CRMP1: variants seen among roughly 807,000 people sequenced by gnomAD.
The protein encoded by CRMP1 is dihydropyrimidinase-related protein 1.
In CRMP1, 19 loss-of-function variants were observed where a neutral mutation model predicts 68.3. The observed-to-expected ratio is 0.28, with a 90% CI of 0.19 to 0.41. The LOEUF (loss-of-function observed/expected upper bound fraction) is 0.41, where lower values mean the gene tolerates loss of function less well. Ranked by LOEUF, CRMP1 falls within the 10% of genes least tolerant of loss-of-function variation. The pLI is 1.00. For synonymous variants in CRMP1, 439 were observed against 399.6 expected (o/e 1.10, Z -1.18); for missense variants, 791 against 967.4 (o/e 0.82, Z 2.42).
chr4:5,856,292 G>A lies in CRMP1; in HGVS notation c.671C>T (p.Pro224Leu). Residue 224 changes from proline to leucine, a missense_variant, in exon 4 of 14, where the codon CCT becomes CTT. By Grantham distance (98) the Pro-to-Leu change is moderately conservative. Coordinates refer to ENST00000324989, the MANE Select transcript of CRMP1 (RefSeq NM_001014809.3). ...GGTCAGTAGGCTGGACCCAGGTTCA[G>A]GAACAACATGGTCAACTGGGACAGA... The part of the protein sequence containing the change: ...GTTMIIDHVV[P>L]EPGSSLLTSF... 6.2e-7 allele frequency: 1 copy of A among 1,613,506 alleles called. No individual in the cohort carries two copies. The highest frequency in any genetic ancestry group is 8.5e-7 in the Non-Finnish European group (1 of 1,179,714).
At chr4:5,830,650 G>C (rs1409868666) in intron 11 of CRMP1, among the ~76,000 whole-genome samples, 1 of 152,168 alleles carries the variant, frequency 6.6e-6, no homozygotes, top group Non-Finnish European at 1.5e-5. Flanking sequence ...TATGCAGTCA[G>C]TCTATTCCTT....
rs543129232 is a variant in CRMP1, at chr4:5,892,665, C to T, written c.305G>A (p.Arg102His). The T allele has an allele frequency of 4.4e-5, 52 of 1,194,776 alleles. No individual in the cohort carries two copies. The highest frequency in any genetic ancestry group is 5.2e-5 in the Non-Finnish European group (50 of 964,080). 74.0% of individuals were successfully genotyped at this position (1,194,776 alleles called of 1,614,324 possible). A position where few individuals can be genotyped will look rare whatever the true frequency, so the allele number is the denominator to read the frequency against. The change falls in exon 1 of 14, where the codon CGC (arginine) becomes CAC (histidine). Residue 102 changes from arginine (R) to histidine (H), a missense_variant. Arg to His is a conservative substitution (Grantham distance 29). Around this residue, in one of 3 missense-constraint regions of CRMP1, gnomAD observed 193 missense variants for 186.3 expected, o/e 1.04. Coordinates refer to ENST00000324989, the MANE Select transcript of CRMP1 (RefSeq NM_001014809.3). This position sits in a 1 kb window ranked among gnomAD's most constrained non-coding sequence, Gnocchi z 8.6. ...SGSAVSSPGERDERPPTLRIR... is the reference protein window; with the variant it reads ...SGSAVSSPGEHDERPPTLRIR... ...GCGCAGCGTCGGCGGCCGCTCGTCGCGCTCTCCGGGAGAGCTGACCGCGGA... is the reference window on the plus strand; with the variant it reads ...GCGCAGCGTCGGCGGCCGCTCGTCGTGCTCTCCGGGAGAGCTGACCGCGGA...
At chr4:5,836,541 T>G (rs1720739946) in intron 10 of CRMP1, among the ~76,000 whole-genome samples, 1 of 152,194 alleles carries the variant, frequency 6.6e-6, no homozygotes, top group African/African-American at 2.4e-5. Context: ...TTTTCAATCT[T>G]AAGATGTAAA....
intron 3 of CRMP1, among the ~76,000 whole-genome samples, chr4:5,857,092 A>ACC (rs941533411): frequency 9.1e-5 from 11 of 121,486 alleles, no homozygotes; most frequent in African/African-American, 3.4e-4. Context: ...CACCATTATC[A>ACC]CTAACATCAC....
intron 8 of CRMP1, among the ~76,000 whole-genome samples, chr4:5,840,645 C>T (rs1346232519): frequency 6.6e-6 from 1 of 152,214 alleles, no homozygotes; most frequent in African/African-American, 2.4e-5. Context: ...CTTAACATTA[C>T]TTAATTTAAA....
At position 5,888,509 on chromosome 4, in the gene CRMP1, G is replaced by C. The variant is rs1182300802; in HGVS notation, c.381+4080C>G. On this transcript the variant is annotated intron_variant, in intron 1 of 13. Coordinates refer to ENST00000324989, the MANE Select transcript of CRMP1 (RefSeq NM_001014809.3). The surrounding 1 kb of genome is among the most constrained non-coding windows in gnomAD (Gnocchi z 6.4). Reference sequence around the variant, plus strand: ...AGGAGGGCGGGAGAAGGAGGAGGGAGAGGCGAGGGCGGGAGGAGGGGGCTG... The same window carrying C: ...AGGAGGGCGGGAGAAGGAGGAGGGACAGGCGAGGGCGGGAGGAGGGGGCTG... The C allele has an allele frequency of 5.9e-6, 7 of 1,195,836 alleles. No homozygotes were observed. Among genetic ancestry groups the C allele is most frequent in the Admixed American group, 8.9e-5 (2 of 22,394 alleles). The allele number at this position is 1,195,836 out of a possible 1,614,324, so 74.1% of individuals were successfully genotyped here.
At position 5,849,415 on chromosome 4, in the gene CRMP1, C is replaced by T; in HGVS notation, c.940G>A (p.Glu314Lys). The change falls in exon 6 of 14, where the codon GAA becomes AAA. Residue 314 changes from glutamate (E) to lysine (K), a missense_variant. Physicochemically the swap from Glu to Lys is moderately conservative, Grantham distance 56 (BLOSUM62 1). This residue lies in a region of CRMP1 where 594 missense variants were observed against 763.6 expected (regional missense o/e 0.78). Coordinates refer to ENST00000324989, the MANE Select transcript of CRMP1 (RefSeq NM_001014809.3). ...ACCTGAGCTATCAAATCTCCATTTT[C>T]TGCATGGACCAAGATCACAGCTCCC... ...GLGAVILVHAENGDLIAQEQK... is the reference protein window; with the variant it reads ...GLGAVILVHAKNGDLIAQEQK... 1 of 1,613,832 alleles carries T rather than the reference C, an allele frequency of 6.2e-7. No individual in the cohort carries two copies. Among genetic ancestry groups the T allele is most frequent in the Non-Finnish European group, 8.5e-7 (1 of 1,179,916 alleles).
At chr4:5,874,583 A>G (rs926917810) in intron 1 of CRMP1, among the ~76,000 whole-genome samples, 21 of 152,228 alleles carry the variant, frequency 1.4e-4, no homozygotes, top group East Asian at 5.8e-4. Flanking sequence ...ACCCTTACAC[A>G]GTATTTAGCA....
Position 5,870,591 on chromosome 4 carries a change from C to G in CRMP1, c.382-3835G>C, listed in dbSNP as rs1286566112. On this transcript the variant is annotated intron_variant, in intron 1 of 13. Coordinates refer to ENST00000324989, the MANE Select transcript of CRMP1 (RefSeq NM_001014809.3). The surrounding 1 kb of genome is among the most constrained non-coding windows in gnomAD (Gnocchi z 6.0). Reference sequence around the variant, plus strand: ...GGCTGCCTGGGTGACTGAACTGATTCTTGACAGATGAATGGGTGAAGATGG... The same window carrying G: ...GGCTGCCTGGGTGACTGAACTGATTGTTGACAGATGAATGGGTGAAGATGG... Among the ~76,000 whole-genome samples, 3 of 152,200 alleles carry G rather than the reference C, an allele frequency of 2.0e-5. No homozygotes were observed. The highest frequency in any genetic ancestry group is 2.9e-5 in the Non-Finnish European group (2 of 68,040).
At chr4:5,829,414 A>C (rs1444061109) in intron 11 of CRMP1, among the ~76,000 whole-genome samples, 1 of 151,806 alleles carries the variant, frequency 6.6e-6, no homozygotes, top group Non-Finnish European at 1.5e-5. Flanking sequence ...CAAAAAACTC[A>C]CCTTCTTTCC....
In CRMP1 at chr4:5,821,635, A is replaced by G; in HGVS notation, c.*125T>C. 1.1e-6 allele frequency: 1 copy of G among 869,718 alleles called. No homozygotes were observed. The highest frequency in any genetic ancestry group is 1.8e-6 in the Non-Finnish European group (1 of 566,168). 53.9% of individuals were successfully genotyped at this position (869,718 alleles called of 1,614,324 possible). A position where few individuals can be genotyped will look rare whatever the true frequency, so the allele number is the denominator to read the frequency against. On this transcript the variant is annotated 3_prime_UTR_variant, in exon 14 of 14. Transcript: ENST00000324989. The surrounding 1 kb of genome is among the most constrained non-coding windows in gnomAD (Gnocchi z 4.4). ...TTCCTAAACAGAAAAGGGAAAGAGC[A>G]TCCTTCGACTTCCCCCTCCCTCCAT...
intron 10 of CRMP1, 59 bp from the exon 11 acceptor site, chr4:5,836,144 A>G (rs3815264): frequency 0.35 from 475,653 of 1,349,100 alleles, 90,353 homozygotes; most frequent in African/African-American, 0.7. Context: ...GAGGAGGGGC[A>G]GCTGGGCACA....
chr4:5,856,392 C>T (rs368003858), intron 3 of CRMP1, 85 bp from the exon 4 acceptor site: 2 of 1,007,550 alleles, frequency 2.0e-6, no homozygotes, highest in Non-Finnish European at 2.9e-6. Flanking sequence ...ACCATCATCA[C>T]CATCATTACC....
rs1240419217 is a variant in CRMP1 at position 5,860,015 on chromosome 4, C to T, written c.655+1011G>A. ...CAAAAGCGGCTCTTCAAAATCAACA[C>T]AAGAAACAGCCATCGGGCTGCACAG... On this transcript the variant is annotated intron_variant, in intron 3 of 13. Coordinates refer to ENST00000324989, the MANE Select transcript of CRMP1 (RefSeq NM_001014809.3). The surrounding 1 kb of genome is among the most constrained non-coding windows in gnomAD (Gnocchi z 4.2). Among the ~76,000 whole-genome samples the T allele has an allele frequency of 1.3e-5, 2 of 152,074 alleles. No homozygotes were observed. The highest frequency in any genetic ancestry group is 2.9e-5 in the Non-Finnish European group (2 of 68,022).
chr4:5,853,300 C>G lies in CRMP1; in HGVS notation c.821-1831G>C, dbSNP rs1433743679. Reference sequence around the variant, plus strand: ...TGGTGGCAGGTGCCTGTAATCCAAGCTACTTGGGAGGCTGAGGGGGAAGAA... The same window carrying G: ...TGGTGGCAGGTGCCTGTAATCCAAGGTACTTGGGAGGCTGAGGGGGAAGAA... On this transcript the variant is annotated intron_variant, in intron 4 of 13. Transcript: ENST00000324989. This position sits in a 1 kb window ranked among gnomAD's most constrained non-coding sequence, Gnocchi z 4.7. 6.6e-6 allele frequency among the ~76,000 whole-genome samples: 1 copy of G among 152,130 alleles called. No individual in the cohort carries two copies. Among genetic ancestry groups the G allele is most frequent in the Admixed American group, 6.5e-5 (1 of 15,282 alleles).
At chr4:5,824,862 A>AAT (rs1719293632) in intron 13 of CRMP1, 1 of 985,242 alleles carries the variant, frequency 1.0e-6, no homozygotes, top group Admixed American at 6.1e-5. Context: ...TGGCCATCTC[A>AAT]CCAAATCACA....
intron 6 of CRMP1, among the ~76,000 whole-genome samples, chr4:5,846,757 A>T (rs1577781019): frequency 1.9e-5 from 1 of 53,710 alleles, no homozygotes; most frequent in African/African-American, 1.1e-4. Context: ...TGCCCGGCTA[A>T]TTTTTTTTTT....
At chr4:5,832,982 A>C (rs537802789) in intron 11 of CRMP1, among the ~76,000 whole-genome samples, 1 of 152,248 alleles carries the variant, frequency 6.6e-6, no homozygotes, top group South Asian at 2.1e-4. Flanking sequence ...GACACAGCAG[A>C]GAGGGCCACG....
At chr4:5,864,378 A>G (rs1713826229) in intron 2 of CRMP1, among the ~76,000 whole-genome samples, 1 of 152,126 alleles carries the variant, frequency 6.6e-6, no homozygotes, top group African/African-American at 2.4e-5. Context: ...TATCTAAGCC[A>G]TGGTTGAGTT....
Sources: gnomAD v4.1 joint callset for allele counts (sites outside exome capture counted in the v4.1 genomes callset) on GRCh38, gnomAD v4.1.1 for gene constraint, gnomAD v4.1.1 regional missense constraint, Gnocchi (gnomAD v3.1) non-coding constraint, MANE v1.5 for transcripts, NCBI Gene and HGNC (gene_info 2026-07-23, HGNC 2026-07-21) for gene names.